STIM1: variants seen among roughly 807,000 people sequenced by gnomAD.
STIM1 encodes the protein stromal interaction molecule 1.
A neutral mutation model predicts 74.7 loss-of-function variants in STIM1; 25 were observed. The ratio of observed to expected loss-of-function variants is 0.33; its 90% CI spans 0.24 to 0.47. The LOEUF is 0.47. STIM1 is among the 20% of genes least tolerant of loss of function. STIM1 has a pLI of 1.00. For missense variants in STIM1, 728 were observed against 920.8 expected (o/e 0.79, Z 2.71); for synonymous variants, 328 against 348.8 (o/e 0.94, Z 0.66).
At chr11:4,084,893 G>A in intron 11 of STIM1, 128 bp downstream of exon 11, 1 of 685,382 alleles carries the variant, frequency 1.5e-6, no homozygotes, top group Non-Finnish European at 2.2e-6. Flanking sequence ...CCTCAGCACT[G>A]TCCCTACTAA....
At chr11:3,947,318 G>C (rs1171846475) in intron 1 of STIM1, 1 of 152,104 alleles carries the variant, frequency 6.6e-6, no homozygotes. Context: ...TCATAGCCTG[G>C]TACAGGGTAG....
intron 3 of STIM1, among the ~76,000 whole-genome samples, chr11:4,031,219 G>A (rs1409216776): frequency 2.0e-5 from 3 of 152,202 alleles, no homozygotes; most frequent in South Asian, 2.1e-4. Context: ...TTTTGCATGT[G>A]TAAATAGTTA....
Position 4,091,470 on chromosome 11 carries a change from CCCTGG to C in STIM1, c.1826_1830del (p.Leu609GlnfsTer76). ...GTGGAGAAACTGCCTGACAGCCCTG[CCCTGG>C]CCAAGAAGGCATTACTGGCGCTGAA... On this transcript the variant is annotated frameshift_variant, in exon 13 of 13. Coordinates refer to ENST00000526596, the MANE Select transcript of STIM1 (RefSeq NM_001382567.1). LOFTEE classifies it high-confidence loss of function. 6.2e-7 allele frequency: 1 copy of C among 1,614,188 alleles called. No homozygotes were observed. The highest frequency in any genetic ancestry group is 8.5e-7 in the Non-Finnish European group (1 of 1,180,022).
chr11:3,973,262 C>T, intron 2 of STIM1: 1 of 481,808 alleles, frequency 2.1e-6, no homozygotes, highest in South Asian at 1.6e-5. Context: ...AGTTGTCATT[C>T]CCACCAAAAC....
At chr11:3,904,556 T>G (rs1220708866) in intron 1 of STIM1, among the ~76,000 whole-genome samples, 1 of 151,850 alleles carries the variant, frequency 6.6e-6, no homozygotes, top group East Asian at 1.9e-4. Flanking sequence ...ACCAGAGTGT[T>G]TTTTTTAGGA....
intron 2 of STIM1, among the ~76,000 whole-genome samples, chr11:4,002,605 T>G (rs2093730164): frequency 6.7e-6 from 1 of 149,320 alleles, no homozygotes. Flanking sequence ...GAGGGAAATT[T>G]ATAGCACTAA....
At chr11:3,990,081 G>C (rs532604380) in intron 2 of STIM1, among the ~76,000 whole-genome samples, 2 of 152,074 alleles carry the variant, frequency 1.3e-5, no homozygotes, top group Non-Finnish European at 2.9e-5. Context: ...AAGCAACCAC[G>C]AATCTACTTT....
chr11:3,893,877 C>T (rs1353155890), intron 1 of STIM1, among the ~76,000 whole-genome samples: 1 of 152,142 alleles, frequency 6.6e-6, no homozygotes, highest in Non-Finnish European at 1.5e-5. Context: ...ATAAGGTCTA[C>T]ATCATGTTGA....
chr11:4,067,117 C>T (rs1386834852), intron 5 of STIM1, among the ~76,000 whole-genome samples: 1 of 152,224 alleles, frequency 6.6e-6, no homozygotes, highest in Non-Finnish European at 1.5e-5. Context: ...CTGTCATTTA[C>T]ACCTACACGT....
intron 1 of STIM1, among the ~76,000 whole-genome samples, chr11:3,860,241 G>A (rs531583909): frequency 6.6e-6 from 1 of 152,236 alleles, no homozygotes; most frequent in Admixed American, 6.5e-5. Flanking sequence ...GATAATAATA[G>A]CAACTAACTT....
chr11:4,043,873 G>A (rs2094168856), intron 3 of STIM1, among the ~76,000 whole-genome samples: 1 of 152,064 alleles, frequency 6.6e-6, no homozygotes, highest in Non-Finnish European at 1.5e-5. Flanking sequence ...AAATTAGCTG[G>A]GCGTGGTGGC....
chr11:4,077,051 CAA>C (rs146968278), intron 7 of STIM1, among the ~76,000 whole-genome samples: 3,096 of 150,022 alleles, frequency 0.021, 97 homozygotes, highest in African/African-American at 0.067. Context: ...TATAAGAACA[CAA>C]AAAAAGGTTA....
intron 2 of STIM1, among the ~76,000 whole-genome samples, chr11:4,021,235 CCTG>C (rs1344711426): frequency 1.3e-5 from 2 of 152,284 alleles, no homozygotes; most frequent in East Asian, 3.9e-4. Context: ...AAGTGATTCT[CCTG>C]CTTCAGCCTC....
chr11:4,025,146 A>C (rs572990968), intron 3 of STIM1, among the ~76,000 whole-genome samples: 2 of 152,198 alleles, frequency 1.3e-5, no homozygotes, highest in African/African-American at 4.8e-5. Flanking sequence ...GCATTAGTCT[A>C]AGGTAGAGAA....
intron 3 of STIM1, among the ~76,000 whole-genome samples, chr11:4,048,007 G>A (rs1053784599): frequency 4.6e-5 from 7 of 152,076 alleles, no homozygotes; most frequent in African/African-American, 7.2e-5. Context: ...TTTTAGTAGA[G>A]ACAGGGTTTC....
intron 1 of STIM1, among the ~76,000 whole-genome samples, chr11:3,899,336 A>C (rs1214490307): frequency 6.6e-6 from 1 of 152,128 alleles, no homozygotes; most frequent in Non-Finnish European, 1.5e-5. Context: ...TTGGTGTATA[A>C]GAATGCTTGT....
At chr11:4,019,458 G>C (rs1362752978) in intron 2 of STIM1, among the ~76,000 whole-genome samples, 1 of 152,032 alleles carries the variant, frequency 6.6e-6, no homozygotes, top group Non-Finnish European at 1.5e-5. Flanking sequence ...AGGATTGCTT[G>C]AGCTCAGGAG....
chr11:4,049,352 T>C (rs1477880414), intron 3 of STIM1, among the ~76,000 whole-genome samples: 1 of 146,238 alleles, frequency 6.8e-6, no homozygotes, highest in East Asian at 2.0e-4. Context: ...TGAGACAGGC[T>C]CTCACTCTGT....
At chr11:4,020,814 G>T (rs1247390761) in intron 2 of STIM1, among the ~76,000 whole-genome samples, 2 of 151,768 alleles carry the variant, frequency 1.3e-5, no homozygotes, top group African/African-American at 2.4e-5. Flanking sequence ...TGCTGCCCAG[G>T]CTGGTCTCAA....
Sources: gnomAD v4.1 joint callset for allele counts (sites outside exome capture counted in the v4.1 genomes callset) on GRCh38, gnomAD v4.1.1 for gene constraint, MANE v1.5 for transcripts, NCBI Gene and HGNC (gene_info 2026-07-23, HGNC 2026-07-21) for gene names.